Variants in MCTP1 observed in about 807,000 individuals in gnomAD.
The protein encoded by MCTP1 is multiple C2 and transmembrane domain-containing protein 1.
MCTP1 carries 69 observed loss-of-function variants against 120.6 expected under a neutral mutation model. The ratio of observed to expected loss-of-function variants is 0.57; its 90% CI spans 0.47 to 0.70. The LOEUF is 0.70. Ranked by LOEUF, MCTP1 falls within the 30% of genes least tolerant of loss-of-function variation. MCTP1 has a pLI of 0.00. For synonymous variants in MCTP1, 529 were observed against 493.1 expected, an observed-to-expected ratio of 1.07 and a Z score of -0.96; for missense variants, 1,203 against 1,248.8, an observed-to-expected ratio of 0.96 and a Z score of 0.55.
chr5:94,711,630 C>T (rs983845081), intron 20 of MCTP1, among the ~76,000 whole-genome samples: 3 of 151,608 alleles, frequency 2.0e-5, no homozygotes, highest in Admixed American at 6.6e-5. Flanking sequence ...TAATTGGTAA[C>T]GTAGAGGACT....
intron 1 of MCTP1, among the ~76,000 whole-genome samples, chr5:95,140,693 TAAAAAAAAAAA>T (rs35248317): frequency 0.013 from 365 of 27,622 alleles, 4 homozygotes; most frequent in South Asian, 0.028. Context: ...CTGTCCCTAC[TAAAAAAAAAAA>T]AAAAAAAAAA....
rs140627145 is a variant in MCTP1 at position 95,052,042 on chromosome 5, A to C, written c.721-34558T>G. 5.5e-3 allele frequency among the ~76,000 whole-genome samples: 832 copies of C among 152,296 alleles called. 3 individuals are homozygous for C. Among genetic ancestry groups the C allele is most frequent in the African/African-American group, 0.019 (787 of 41,560 alleles). ...GTACACCTGTACCTAAAAGTTAAAA[A>C]ACAAAAAAAGAATACAAAATGAGCT... On this transcript the variant is annotated intron_variant, in intron 1 of 22. Transcript: ENST00000515393.
intron 2 of MCTP1, among the ~76,000 whole-genome samples, chr5:95,014,379 T>C (rs973459315): frequency 1.3e-5 from 2 of 152,112 alleles, no homozygotes; most frequent in Non-Finnish European, 2.9e-5. Flanking sequence ...TTTGAGGGGT[T>C]CAAGACTTCA....
At position 94,773,929 on chromosome 5, in the gene MCTP1, C is replaced by A; in HGVS notation, c.2610+5181G>T. Among the ~76,000 whole-genome samples, 2 of 39,526 alleles carry A rather than the reference C, an allele frequency of 5.1e-5. 1 individual carries two copies. The highest frequency in any genetic ancestry group is 9.4e-5 in the Non-Finnish European group (2 of 21,360). The allele number at this position is 39,526 out of a possible 152,430, so 25.9% of individuals were successfully genotyped here. ...GCCAAATCATATTAGATGAAATAGG[C>A]CGGGCGCGGTGGCTCACGCCTGTAA... On this transcript the variant is annotated intron_variant, in intron 19 of 22. Transcript: ENST00000515393.
intron 1 of MCTP1, among the ~76,000 whole-genome samples, chr5:95,077,535 C>T (rs1753876913): frequency 6.6e-6 from 1 of 151,862 alleles, no homozygotes; most frequent in Non-Finnish European, 1.5e-5. Flanking sequence ...TGCAGTGGCG[C>T]AATCTCGGCT....
At chr5:95,163,293 T>C (rs978935393) in intron 1 of MCTP1, among the ~76,000 whole-genome samples, 3 of 152,182 alleles carry the variant, frequency 2.0e-5, no homozygotes, top group African/African-American at 4.8e-5. Flanking sequence ...AGGTGACAGA[T>C]ATATACTGTG....
intron 19 of MCTP1, among the ~76,000 whole-genome samples, chr5:94,729,771 G>C (rs1230094869): frequency 1.3e-5 from 2 of 152,192 alleles, no homozygotes; most frequent in African/African-American, 4.8e-5. Flanking sequence ...AGGGAGCACA[G>C]GATGACAGAG....
chr5:95,081,636 G>A (rs1349010236), intron 1 of MCTP1: 5 of 1,330,638 alleles, frequency 3.8e-6, no homozygotes, highest in Non-Finnish European at 4.8e-6. Flanking sequence ...GCACAGCAGC[G>A]ACTTGGAATG....
At chr5:94,771,667 C>A (rs1318746471) in intron 19 of MCTP1, among the ~76,000 whole-genome samples, 1 of 151,966 alleles carries the variant, frequency 6.6e-6, no homozygotes, top group Non-Finnish European at 1.5e-5. Flanking sequence ...TTATATAGAC[C>A]AGTGGGATGA....
At chr5:94,795,168 C>G (rs773414119) in intron 18 of MCTP1, among the ~76,000 whole-genome samples, 1 of 144,532 alleles carries the variant, frequency 6.9e-6, no homozygotes, top group African/African-American at 2.6e-5. Context: ...AGACTTGATT[C>G]TCTTTTCTCA....
chr5:94,877,297 C>T (rs1799094562), intron 12 of MCTP1, among the ~76,000 whole-genome samples: 1 of 151,936 alleles, frequency 6.6e-6, no homozygotes, highest in Non-Finnish European at 1.5e-5. Context: ...ATATGTGTTA[C>T]CTAACTACTA....
chr5:95,017,140 A>G (rs1325629643), intron 2 of MCTP1, among the ~76,000 whole-genome samples: 1 of 152,108 alleles, frequency 6.6e-6, no homozygotes, highest in Non-Finnish European at 1.5e-5. Flanking sequence ...TTTGATAGGG[A>G]CTTTGCTGTC....
intron 17 of MCTP1, among the ~76,000 whole-genome samples, chr5:94,864,855 A>G (rs1014694131): frequency 6.6e-6 from 1 of 151,850 alleles, no homozygotes; most frequent in South Asian, 2.1e-4. Flanking sequence ...GAAAGAGAAA[A>G]TGTGCACTCT....
intron 1 of MCTP1, among the ~76,000 whole-genome samples, chr5:95,174,918 C>G (rs746519253): frequency 5.9e-5 from 9 of 152,110 alleles, no homozygotes; most frequent in Non-Finnish European, 7.4e-5. Flanking sequence ...GTTAGCCATA[C>G]TTTTTGTATT....
intron 1 of MCTP1, among the ~76,000 whole-genome samples, chr5:95,274,768 C>A (rs1378458799): frequency 6.6e-6 from 1 of 151,626 alleles, no homozygotes; most frequent in Non-Finnish European, 1.5e-5. Context: ...GGACTACAGG[C>A]GCCCACCACC....
intron 1 of MCTP1, among the ~76,000 whole-genome samples, chr5:95,036,519 C>A (rs1437406744): frequency 6.6e-6 from 1 of 152,180 alleles, no homozygotes; most frequent in Non-Finnish European, 1.5e-5. Context: ...TGGAATAACT[C>A]TATAGTGTTC....
chr5:94,744,930 G>A (rs1373698811), intron 19 of MCTP1, among the ~76,000 whole-genome samples: 1 of 152,174 alleles, frequency 6.6e-6, no homozygotes, highest in Non-Finnish European at 1.5e-5. Context: ...ATCCTGCCCT[G>A]CCTGTGCTGT....
intron 1 of MCTP1, among the ~76,000 whole-genome samples, chr5:95,211,676 G>C (rs1360707839): frequency 1.3e-5 from 2 of 152,164 alleles, no homozygotes; most frequent in African/African-American, 2.4e-5. Context: ...CACTCAACTT[G>C]TCAAAGTCAT....
chr5:95,263,624 G>C (rs887170006), intron 1 of MCTP1, among the ~76,000 whole-genome samples: 1 of 152,190 alleles, frequency 6.6e-6, no homozygotes, highest in African/African-American at 2.4e-5. Context: ...AGAGACACCA[G>C]TATAACTTTT....
Sources: gnomAD v4.1 joint callset for allele counts (sites outside exome capture counted in the v4.1 genomes callset) on GRCh38, gnomAD v4.1.1 for gene constraint, MANE v1.5 for transcripts, NCBI Gene and HGNC (gene_info 2026-07-23, HGNC 2026-07-21) for gene names.